Variants in VDAC2 observed in about 807,000 individuals in gnomAD.
VDAC2 encodes voltage dependent anion channel 2.
VDAC2 carries 6 observed loss-of-function variants against 36.6 expected under a neutral mutation model. The ratio of observed to expected loss-of-function variants is 0.16; its 90% CI spans 0.09 to 0.32. VDAC2 has a LOEUF of 0.32. VDAC2 is among the 10% of genes least tolerant of loss of function. The pLI is 1.00. For missense variants in VDAC2, 247 were observed against 346.0 expected (o/e 0.71, Z 2.27); for synonymous variants, 109 against 123.8 (o/e 0.88, Z 0.79).
At chr10:75,212,675 C>T (rs1841463316) in intron 3 of VDAC2, among the ~76,000 whole-genome samples, 1 of 152,202 alleles carries the variant, frequency 6.6e-6, no homozygotes, top group African/African-American at 2.4e-5. Flanking sequence ...ACGTTACAGA[C>T]ATGAGCCACT....
rs1841794639 is a variant in VDAC2, at chr10:75,220,926, T to G, written c.540T>G (p.Phe180Leu). 2 of 1,613,692 alleles carry G rather than the reference T, an allele frequency of 1.2e-6. No homozygotes were observed. Among genetic ancestry groups the G allele is most frequent in the Admixed American group, 1.7e-5 (1 of 59,982 alleles). ...SAKSKLTRNN[F>L]AVGYRTGDFQ... is the part of the protein sequence containing the mutation. Reference sequence around the variant, plus strand: ...AATCAAAGCTGACAAGGAATAACTTTGCAGTGGGCTACAGGACTGGGGACT... The same window carrying G: ...AATCAAAGCTGACAAGGAATAACTTGGCAGTGGGCTACAGGACTGGGGACT... The change falls in exon 7 of 10, where the codon TTT becomes TTG. Residue 180 changes from phenylalanine (F) to leucine (L), a missense_variant. Coordinates refer to ENST00000332211, the MANE Select transcript of VDAC2 (RefSeq NM_001391963.1).
chr10:75,218,919 A>G, intron 4 of VDAC2, 144 bp from the exon 5 acceptor site: 1 of 794,116 alleles, frequency 1.3e-6, no homozygotes, highest in East Asian at 2.7e-5. Context: ...ACAGTGCAGA[A>G]GGATACGAGT....
intron 7 of VDAC2, among the ~76,000 whole-genome samples, chr10:75,221,329 G>T (rs933161061): frequency 6.6e-6 from 1 of 151,194 alleles, no homozygotes; most frequent in South Asian, 2.1e-4. Context: ...TTGTGGTTGG[G>T]TTTTTTTTTC....
At chr10:75,212,052 G>T (rs907457695) in intron 2 of VDAC2, among the ~76,000 whole-genome samples, 178 bp from the exon 3 acceptor site, 1 of 152,152 alleles carries the variant, frequency 6.6e-6, no homozygotes, top group East Asian at 1.9e-4. Context: ...GAAATAATTC[G>T]TTGGTGGTAT....
intron 2 of VDAC2, 109 bp from the exon 3 acceptor site, chr10:75,212,121 A>G: frequency 2.0e-6 from 2 of 989,414 alleles, no homozygotes; most frequent in Non-Finnish European, 1.5e-6. Flanking sequence ...AAACATTCCA[A>G]CAAATGGGAT....
At chr10:75,223,261 A>G (rs1841868723) in intron 8 of VDAC2, among the ~76,000 whole-genome samples, 1 of 152,208 alleles carries the variant, frequency 6.6e-6, no homozygotes, top group Non-Finnish European at 1.5e-5. Context: ...TACAGGCATG[A>G]GACACCACAG....
rs1841843964 is a variant in VDAC2, at chr10:75,222,545, T to C, written c.735+143T>C. On this transcript the variant is annotated intron_variant, in intron 8 of 9. Transcript: ENST00000332211. ...TTAGTTTTAGATTTTGAAATGCGCT[T>C]TTTTGATGGATACAGTGTTAGACGT... is the stretch of plus-strand genomic sequence containing the variant. 9.4e-6 allele frequency: 11 copies of C among 1,166,668 alleles called. No homozygotes were observed. The South Asian group carries it at 1.6e-4, about 17-fold the overall frequency. 72.3% of individuals were successfully genotyped at this position (1,166,668 alleles called of 1,614,324 possible).
intron 4 of VDAC2, chr10:75,217,798 C>A: frequency 1.4e-6 from 1 of 724,570 alleles, no homozygotes; most frequent in Non-Finnish European, 2.0e-6. Context: ...AACAGCAGAG[C>A]AATAGTTATA....
intron 3 of VDAC2, among the ~76,000 whole-genome samples, chr10:75,212,653 C>CCA (rs1299051526): frequency 6.6e-6 from 1 of 152,122 alleles, no homozygotes; most frequent in African/African-American, 2.4e-5. Context: ...CCTCTCAAAG[C>CCA]CTGGTTGGAT....
At chr10:75,226,415 C>T (rs376736954) in intron 8 of VDAC2, among the ~76,000 whole-genome samples, 6 of 148,228 alleles carry the variant, frequency 4.0e-5, no homozygotes, top group South Asian at 4.3e-4. Flanking sequence ...CCTGAAACAG[C>T]TCCAGAGCAT....
intron 3 of VDAC2, among the ~76,000 whole-genome samples, chr10:75,213,667 C>G (rs1251855871): frequency 1.3e-5 from 2 of 152,140 alleles, no homozygotes; most frequent in Non-Finnish European, 2.9e-5. Context: ...TCGCTTGAAC[C>G]CAGGAGGTGG....
intron 6 of VDAC2, among the ~76,000 whole-genome samples, chr10:75,219,650 A>G (rs1841741850): frequency 1.3e-5 from 2 of 150,906 alleles, no homozygotes; most frequent in South Asian, 2.1e-4. Context: ...ACGCCCAGCT[A>G]ATTTTTGTAT....
chr10:75,222,180 T>C, intron 7 of VDAC2, 72 bp from the exon 8 acceptor site: 1 of 1,454,920 alleles, frequency 6.9e-7, no homozygotes, highest in South Asian at 1.3e-5. Flanking sequence ...AATGTAATGC[T>C]ACAAATCAGC....
intron 8 of VDAC2, among the ~76,000 whole-genome samples, chr10:75,226,551 C>T (rs1181363566): frequency 6.6e-6 from 1 of 150,774 alleles, no homozygotes; most frequent in Non-Finnish European, 1.5e-5. Flanking sequence ...CAACCTCCGC[C>T]TCTCGGGTTC....
intron 9 of VDAC2, among the ~76,000 whole-genome samples, chr10:75,229,979 CTTA>C (rs1423220457): frequency 6.6e-6 from 1 of 151,860 alleles, no homozygotes; most frequent in African/African-American, 2.4e-5. Context: ...TTAGTGATTC[CTTA>C]TTATTTAATA....
chr10:75,212,035 T>A (rs1841439155), intron 2 of VDAC2, among the ~76,000 whole-genome samples, 195 bp from the exon 3 acceptor site: 1 of 152,268 alleles, frequency 6.6e-6, no homozygotes, highest in Non-Finnish European at 1.5e-5. Flanking sequence ...CATGGTTATC[T>A]GTTTTAGAAA....
intron 9 of VDAC2, among the ~76,000 whole-genome samples, chr10:75,230,396 AT>A (rs1842068962): frequency 6.6e-6 from 1 of 152,238 alleles, no homozygotes; most frequent in Non-Finnish European, 1.5e-5. Context: ...TTTTAAAAAA[AT>A]GTATGTTTTG....
chr10:75,224,541 T>C (rs1229972364), intron 8 of VDAC2, among the ~76,000 whole-genome samples: 1 of 152,032 alleles, frequency 6.6e-6, no homozygotes, highest in Non-Finnish European at 1.5e-5. Flanking sequence ...TACTTAAAAA[T>C]TACCAGTGGA....
chr10:75,214,122 T>G, intron 4 of VDAC2, 52 bp downstream of exon 4: 3 of 1,571,644 alleles, frequency 1.9e-6, no homozygotes, highest in Non-Finnish European at 2.6e-6. Context: ...TTTTTCAACT[T>G]GTAAAATGGT....
Sources: gnomAD v4.1 joint callset for allele counts (sites outside exome capture counted in the v4.1 genomes callset) on GRCh38, gnomAD v4.1.1 for gene constraint, MANE v1.5 for transcripts, NCBI Gene and HGNC (gene_info 2026-07-23, HGNC 2026-07-21) for gene names.